Variants in PPFIA2 observed in about 807,000 individuals in gnomAD.
The protein encoded by PPFIA2 is PPFI scaffold protein A2, also known as liprin-alpha-2.
In PPFIA2, 46 loss-of-function variants were observed where a neutral mutation model predicts 175.5. That is an observed-to-expected ratio of 0.26 (90% CI 0.21 to 0.34). PPFIA2 has a LOEUF of 0.34. PPFIA2 is among the 10% of genes least tolerant of loss of function. PPFIA2 has a pLI of 1.00. For missense variants in PPFIA2, 1,179 were observed against 1,506.1 expected (o/e 0.78, Z 3.60); for synonymous variants, 568 against 511.4 (o/e 1.11, Z -1.49).
intron 4 of PPFIA2, among the ~76,000 whole-genome samples, chr12:81,621,962 G>A (rs2062091523): frequency 6.6e-6 from 1 of 152,112 alleles, no homozygotes; most frequent in Admixed American, 6.5e-5. Context: ...AAGAAAAGAA[G>A]AGGTCCAATA....
At chr12:81,314,950 A>C (rs1420587410) in intron 22 of PPFIA2, among the ~76,000 whole-genome samples, 3 of 151,836 alleles carry the variant, frequency 2.0e-5, no homozygotes, top group Non-Finnish European at 4.4e-5. Flanking sequence ...AGTTGAAAGC[A>C]AGGGAGAATT....
chr12:81,545,578 A>C (rs1320915454), intron 4 of PPFIA2: 2 of 154,244 alleles, frequency 1.3e-5, no homozygotes, highest in Non-Finnish European at 1.5e-5. Context: ...GTCCTGCAAA[A>C]GGACAGTCAA....
intron 4 of PPFIA2, among the ~76,000 whole-genome samples, chr12:81,490,601 T>A (rs944494588): frequency 6.6e-6 from 1 of 151,938 alleles, no homozygotes; most frequent in Admixed American, 6.6e-5. Flanking sequence ...TCATTAGACA[T>A]AAATTGATGT....
intron 4 of PPFIA2, among the ~76,000 whole-genome samples, chr12:81,460,490 T>G (rs2054336993): frequency 6.6e-6 from 1 of 152,100 alleles, no homozygotes; most frequent in African/African-American, 2.4e-5. Flanking sequence ...CCCCCTTAAT[T>G]AGTCCAAGAG....
chr12:81,471,435 A>T (rs1431686457), intron 4 of PPFIA2: 1 of 147,798 alleles, frequency 6.8e-6, no homozygotes, highest in South Asian at 2.1e-4. Context: ...AAGTGCTGAG[A>T]TTTCAGCCAT....
At chr12:81,540,285 T>C (rs1436127373) in intron 4 of PPFIA2, among the ~76,000 whole-genome samples, 1 of 152,114 alleles carries the variant, frequency 6.6e-6, no homozygotes, top group Non-Finnish European at 1.5e-5. Flanking sequence ...GAAATATTTA[T>C]CATAAGACTT....
Position 81,754,109 on chromosome 12 carries a change from A to G in PPFIA2, c.113T>C (p.Met38Thr). The change falls in exon 3 of 33, where the codon ATG becomes ACG. Residue 38 changes from methionine to threonine, a missense_variant. Met to Thr is a moderately conservative substitution (Grantham distance 81, BLOSUM62 -1). Around this residue, in one of 10 missense-constraint regions of PPFIA2, gnomAD observed 128 missense variants for 141.4 expected, o/e 0.91. Transcript: ENST00000549396. ...TAGAAGACGATCCCTTTCATCTAGC[A>G]TATTCACCATCAGCTGCTCAAAATG... ...DSHFEQLMVNMLDERDRLLDT... is the reference protein window; with the variant it reads ...DSHFEQLMVNTLDERDRLLDT... 1 of 1,613,904 alleles carries G rather than the reference A, an allele frequency of 6.2e-7. No individual in the cohort carries two copies. Among genetic ancestry groups the G allele is most frequent in the Non-Finnish European group, 8.5e-7 (1 of 1,179,862 alleles).
At chr12:81,469,201 T>C (rs1445885003) in intron 4 of PPFIA2, among the ~76,000 whole-genome samples, 3 of 152,224 alleles carry the variant, frequency 2.0e-5, no homozygotes, top group African/African-American at 7.2e-5. Context: ...TCAGCCTAGT[T>C]TGGATACTGG....
chr12:81,683,158 C>T (rs986928939), intron 3 of PPFIA2, among the ~76,000 whole-genome samples: 3 of 151,986 alleles, frequency 2.0e-5, no homozygotes, highest in African/African-American at 7.2e-5. Flanking sequence ...AGGTTCCCAT[C>T]CCAGTGATTG....
At chr12:81,311,689 C>T (rs560579996) in intron 22 of PPFIA2, among the ~76,000 whole-genome samples, 7 of 145,536 alleles carry the variant, frequency 4.8e-5, no homozygotes, top group South Asian at 4.3e-4. Flanking sequence ...GCCGAGATCG[C>T]GCCACTGCAC....
Position 81,358,105 on chromosome 12 carries a change from C to A in PPFIA2, c.1750G>T (p.Gly584Cys), listed in dbSNP as rs749735469. Reference protein sequence around the residue: ...VIRRPRRGRMGVRRDEPKVKS... With the variant: ...VIRRPRRGRMCVRRDEPKVKS... The stretch of plus-strand genomic sequence containing the variant: ...ACCTTTGGCTCATCTCTTCGCACAC[C>A]CATGCGGCCTCTCCTTGGTCTTCTT... The change falls in exon 16 of 33, where the codon GGT becomes TGT. Residue 584 changes from glycine (G) to cysteine (C), a missense_variant. Physicochemically the swap from Gly to Cys is radical, Grantham distance 159 (BLOSUM62 -3). Transcript: ENST00000549396. 1.2e-6 allele frequency: 2 copies of A among 1,605,656 alleles called. No individual in the cohort carries two copies. The highest frequency in any genetic ancestry group is 1.7e-6 in the Non-Finnish European group (2 of 1,175,838).
chr12:81,648,874 T>C (rs1484574169), intron 4 of PPFIA2, among the ~76,000 whole-genome samples: 3 of 151,916 alleles, frequency 2.0e-5, no homozygotes, highest in African/African-American at 7.2e-5. Context: ...CTATGGTAAT[T>C]TAAGGAAGAA....
chr12:81,563,127 T>C (rs887034202), intron 4 of PPFIA2, among the ~76,000 whole-genome samples: 1 of 152,110 alleles, frequency 6.6e-6, no homozygotes, highest in Non-Finnish European at 1.5e-5. Context: ...AAATTATCTT[T>C]CCTAAGAAAC....
At chr12:81,696,576 T>C (rs929068292) in intron 3 of PPFIA2, among the ~76,000 whole-genome samples, 3 of 152,160 alleles carry the variant, frequency 2.0e-5, no homozygotes, top group Non-Finnish European at 4.4e-5. Flanking sequence ...TTAACAAATC[T>C]GACAATATTT....
At chr12:81,294,456 A>AGGAAGGAAGGAG in intron 24 of PPFIA2, 1 of 174,176 alleles carries the variant, frequency 5.7e-6, no homozygotes, top group South Asian at 1.0e-4. Flanking sequence ...GAAGGAAGGA[A>AGGAAGGAAGGAG]GGAAGGAAGG....
intron 3 of PPFIA2, among the ~76,000 whole-genome samples, chr12:81,690,259 T>C (rs752808034): frequency 1.3e-5 from 2 of 152,088 alleles, no homozygotes; most frequent in Non-Finnish European, 2.9e-5. Context: ...CCAAAAATAA[T>C]GTGGTGATGA....
chr12:81,448,642 T>G (rs1256865512), intron 5 of PPFIA2, among the ~76,000 whole-genome samples: 1 of 152,180 alleles, frequency 6.6e-6, no homozygotes, highest in East Asian at 1.9e-4. Flanking sequence ...TGCCTTGCAG[T>G]TTTTTGTTTG....
chr12:81,720,055 T>C (rs1389924662), intron 3 of PPFIA2, among the ~76,000 whole-genome samples: 2 of 151,076 alleles, frequency 1.3e-5, no homozygotes, highest in Non-Finnish European at 3.0e-5. Context: ...TAAAAAAAAA[T>C]GTAATTTAAA....
chr12:81,441,725 TCAACA>T (rs375732385), intron 6 of PPFIA2, among the ~76,000 whole-genome samples: 2,376 of 152,192 alleles, frequency 0.016, 37 homozygotes, highest in South Asian at 0.03. Context: ...AAAAAACGTT[TCAACA>T]GACGTGTGAT....
Sources: allele counts gnomAD v4.1 joint callset (sites outside exome capture counted in the v4.1 genomes callset), GRCh38; gene constraint gnomAD v4.1.1; regional missense constraint gnomAD v4.1.1; transcripts MANE v1.5; gene names NCBI Gene and HGNC (gene_info 2026-07-23, HGNC 2026-07-21).